TYW3: variants seen among roughly 807,000 people sequenced by gnomAD.
The protein encoded by TYW3 is tRNA-yW synthesizing protein 3 homolog, also known as tRNA wybutosine-synthesizing protein 3 homolog.
TYW3 carries 26 observed loss-of-function variants against 23.1 expected under a neutral mutation model. That is an observed-to-expected ratio of 1.13 (90% confidence interval 0.83 to 1.56). The LOEUF is 1.56. Among genes scored for constraint, TYW3 ranks in the 40% most tolerant of loss-of-function variants. The probability of loss-of-function intolerance (pLI) is 0.00; values close to 1 mark genes in which losing one functional copy is unlikely to be tolerated. For synonymous variants in TYW3, 102 were observed against 105.7 expected (o/e 0.97, Z 0.21); for missense variants, 316 against 311.9 (o/e 1.01, Z -0.10).
rs927403964 is a variant in TYW3, at chr1:74,764,184, T to G, written c.*71T>G. On this transcript the variant is annotated 3_prime_UTR_variant, in exon 6 of 6. Coordinates refer to ENST00000370867, the MANE Select transcript of TYW3 (RefSeq NM_138467.3). ...TATAAAGCTGCTCTTCATAAGAGTA[T>G]TTTAGTTTGTTGAGTGTATCAGCCA... The G allele has an allele frequency of 4.1e-5, 56 of 1,380,286 alleles. No homozygotes were observed. Among genetic ancestry groups the G allele is most frequent in the Non-Finnish European group, 5.6e-5 (56 of 1,004,364 alleles). 85.5% of individuals were successfully genotyped at this position (1,380,286 alleles called of 1,614,324 possible).
At chr1:74,735,959 T>C (rs1648139335) in intron 1 of TYW3, among the ~76,000 whole-genome samples, 1 of 152,186 alleles carries the variant, frequency 6.6e-6, no homozygotes, top group South Asian at 2.1e-4. Flanking sequence ...CAAATAAACA[T>C]TTGTTCAATT....
chr1:74,759,093 C>CT (rs1430111401), intron 5 of TYW3, among the ~76,000 whole-genome samples: 2 of 152,236 alleles, frequency 1.3e-5, no homozygotes, highest in African/African-American at 4.8e-5. Flanking sequence ...AATAGTGCTA[C>CT]TTTTTTTAAG....
chr1:74,762,099 A>C, intron 5 of TYW3, among the ~76,000 whole-genome samples: 1 of 152,110 alleles, frequency 6.6e-6, no homozygotes, highest in Middle Eastern at 3.2e-3. Context: ...ATATTTATTG[A>C]GCATCTGTTG....
intron 3 of TYW3, 83 bp downstream of exon 3, chr1:74,738,871 A>G: frequency 1.1e-6 from 1 of 898,938 alleles, no homozygotes; most frequent in Non-Finnish European, 1.7e-6. Flanking sequence ...TATAAATATC[A>G]ATGAGATATT....
intron 5 of TYW3, among the ~76,000 whole-genome samples, chr1:74,759,485 G>A (rs775667501): frequency 5.9e-5 from 9 of 151,698 alleles, no homozygotes; most frequent in Admixed American, 1.3e-4. Context: ...AAAGTTTTGG[G>A]ATTATAAGCA....
chr1:74,751,644 G>A (rs564546097), intron 4 of TYW3, among the ~76,000 whole-genome samples: 4 of 151,934 alleles, frequency 2.6e-5, no homozygotes, highest in East Asian at 1.9e-4. Flanking sequence ...CACTCCAGCC[G>A]GGGCAACAAG....
intron 4 of TYW3, among the ~76,000 whole-genome samples, 194 bp from the exon 5 acceptor site, chr1:74,752,096 CTG>C (rs1401495044): frequency 6.6e-6 from 1 of 152,168 alleles, no homozygotes; most frequent in African/African-American, 2.4e-5. Context: ...TTAGAAATGA[CTG>C]TAGATGATGG....
intron 1 of TYW3, among the ~76,000 whole-genome samples, chr1:74,735,905 A>AG (rs1446522855): frequency 6.6e-6 from 1 of 152,168 alleles, no homozygotes; most frequent in Non-Finnish European, 1.5e-5. Context: ...AGTGTCCTTG[A>AG]GGGGTAGGTT....
chr1:74,748,149 A>AACCC (rs1648653360), intron 3 of TYW3, among the ~76,000 whole-genome samples: 3 of 88,692 alleles, frequency 3.4e-5, no homozygotes, highest in Middle Eastern at 5.6e-3. Flanking sequence ...TGTGACAACC[A>AACCC]AAAATGGCTT....
chr1:74,750,729 T>C (rs542348476), intron 4 of TYW3, among the ~76,000 whole-genome samples: 9 of 152,220 alleles, frequency 5.9e-5, no homozygotes, highest in Non-Finnish European at 7.4e-5. Flanking sequence ...CATGCTCTTT[T>C]ATGTCTCTAT....
At chr1:74,736,497 G>A in intron 1 of TYW3, 45 bp from the exon 2 acceptor site, 1 of 1,422,934 alleles carries the variant, frequency 7.0e-7, no homozygotes, top group South Asian at 1.4e-5. Flanking sequence ...TATTATTTTT[G>A]TAAAATATTA....
intron 1 of TYW3, among the ~76,000 whole-genome samples, chr1:74,734,473 T>G (rs145792833): frequency 2.6e-4 from 40 of 152,122 alleles, no homozygotes; most frequent in African/African-American, 8.4e-4. Context: ...TTTTTTGAAG[T>G]GAAAAGGTGA....
intron 3 of TYW3, among the ~76,000 whole-genome samples, chr1:74,745,739 AAC>A (rs1277296549): frequency 6.6e-6 from 1 of 152,194 alleles, no homozygotes; most frequent in Non-Finnish European, 1.5e-5. Context: ...ATAACAATAT[AAC>A]ACAGACTGGG....
At chr1:74,743,267 G>A (rs985601093) in intron 3 of TYW3, among the ~76,000 whole-genome samples, 5 of 152,104 alleles carry the variant, frequency 3.3e-5, no homozygotes, top group African/African-American at 1.2e-4. Flanking sequence ...AGGTTTGTTT[G>A]TCTGATGGCC....
chr1:74,748,486 A>G (rs551050677), intron 3 of TYW3, among the ~76,000 whole-genome samples: 1 of 152,354 alleles, frequency 6.6e-6, no homozygotes, highest in South Asian at 2.1e-4. Context: ...GGAAGCAATC[A>G]CTAGCCAAAT....
intron 5 of TYW3, among the ~76,000 whole-genome samples, chr1:74,760,759 T>C (rs1438192801): frequency 6.6e-6 from 1 of 152,238 alleles, no homozygotes; most frequent in Non-Finnish European, 1.5e-5. Context: ...AAATACATAT[T>C]AGAATAGCCT....
intron 5 of TYW3, among the ~76,000 whole-genome samples, chr1:74,754,536 TC>T (rs1648888590): frequency 1.3e-5 from 2 of 151,958 alleles, no homozygotes. Flanking sequence ...GAGAAAAAAA[TC>T]CTTGAGGTGA....
At position 74,748,790 on chromosome 1, in the gene TYW3, A is replaced by G. The variant is rs374811179; in HGVS notation, c.394A>G (p.Ile132Val). The G allele has an allele frequency of 1.9e-6, 3 of 1,614,000 alleles. No homozygotes were observed. The African/African-American group carries it at 4.0e-5, about 22-fold the overall frequency. Residue 132 changes from isoleucine (I) to valine (V), a missense_variant, in exon 4 of 6, where the codon ATA becomes GTA. Transcript: ENST00000370867. The part of the protein sequence containing the change: ...AIDSGFRNSG[I>V]TVGKRGKTML... ...AGATTCTGGTTTCAGGAACTCTGGC[A>G]TAACGGTGGGAAAGAGAGGAAAAAC... is the stretch of plus-strand genomic sequence containing the variant.
chr1:74,749,199 G>C (rs1381287640), intron 4 of TYW3, among the ~76,000 whole-genome samples: 1 of 152,180 alleles, frequency 6.6e-6, no homozygotes, highest in Admixed American at 6.5e-5. Context: ...CAGTCCCTCA[G>C]GGTTTGAATT....
Sources: allele counts gnomAD v4.1 joint callset (sites outside exome capture counted in the v4.1 genomes callset), GRCh38; gene constraint gnomAD v4.1.1; transcripts MANE v1.5; gene names NCBI Gene and HGNC (gene_info 2026-07-23, HGNC 2026-07-21).